Variants in ADGRL3 observed in about 807,000 individuals in gnomAD.
ADGRL3 encodes the protein calcium-independent alpha-latrotoxin receptor 3.
Under a neutral mutation model 153.5 loss-of-function variants are expected in ADGRL3, and 62 were observed. The observed-to-expected ratio is 0.40, with a 90% CI of 0.33 to 0.50. ADGRL3 has a LOEUF of 0.50. ADGRL3 is among the 20% of genes least tolerant of loss of function. ADGRL3 has a pLI of 0.47. For synonymous variants in ADGRL3, 710 were observed against 672.5 expected (o/e 1.06, Z -0.86); for missense variants, 1,641 against 1,859.4 (o/e 0.88, Z 2.16).
chr4:61,541,123 T>C (rs553518102), intron 4 of ADGRL3, among the ~76,000 whole-genome samples: 9 of 152,206 alleles, frequency 5.9e-5, no homozygotes, highest in African/African-American at 1.7e-4. Context: ...TGGAGAGTTA[T>C]AGGAAGTGAA....
chr4:61,950,211 G>T (rs1287548954), intron 17 of ADGRL3, among the ~76,000 whole-genome samples: 1 of 151,924 alleles, frequency 6.6e-6, no homozygotes, highest in Non-Finnish European at 1.5e-5. Flanking sequence ...TAATAAATAA[G>T]ATATGAACAC....
chr4:61,792,139 C>A (rs1219887200), intron 8 of ADGRL3, among the ~76,000 whole-genome samples: 1 of 152,164 alleles, frequency 6.6e-6, no homozygotes, highest in African/African-American at 2.4e-5. Context: ...AGGCTGCAAA[C>A]AAACTTTTAT....
intron 8 of ADGRL3, among the ~76,000 whole-genome samples, chr4:61,778,168 A>T (rs1222206256): frequency 1.3e-5 from 2 of 152,212 alleles, no homozygotes; most frequent in African/African-American, 4.8e-5. Flanking sequence ...GGCTGTGTGT[A>T]TAAGATACTG....
intron 1 of ADGRL3, among the ~76,000 whole-genome samples, chr4:61,376,851 A>G (rs1391581795): frequency 2.6e-5 from 4 of 152,162 alleles, no homozygotes; most frequent in Admixed American, 6.6e-5. Flanking sequence ...CTGTGAGTCA[A>G]TCTTCGGCTA....
At chr4:61,594,462 G>C (rs1213629004) in intron 5 of ADGRL3, among the ~76,000 whole-genome samples, 1 of 152,146 alleles carries the variant, frequency 6.6e-6, no homozygotes, top group East Asian at 1.9e-4. Flanking sequence ...AGGCCTTCCA[G>C]GTATTTGGAG....
intron 2 of ADGRL3, among the ~76,000 whole-genome samples, chr4:61,491,748 A>T (rs1218064225): frequency 6.6e-6 from 1 of 152,080 alleles, no homozygotes. Context: ...CGTCAGTGTT[A>T]TATTATTTTT....
At chr4:61,688,995 C>G (rs1184693504) in intron 6 of ADGRL3, among the ~76,000 whole-genome samples, 2 of 152,170 alleles carry the variant, frequency 1.3e-5, no homozygotes, top group Admixed American at 6.6e-5. Flanking sequence ...GGATCTCACT[C>G]TGTGGCCCAG....
At chr4:61,814,013 G>T in intron 9 of ADGRL3, 124 bp downstream of exon 9, 1 of 1,211,178 alleles carries the variant, frequency 8.3e-7, no homozygotes, top group Non-Finnish European at 1.1e-6. Context: ...AATGAAGTAT[G>T]TGAGTAATCT....
At chr4:61,217,374 G>T (rs1743276004) in intron 1 of ADGRL3, among the ~76,000 whole-genome samples, 2 of 152,150 alleles carry the variant, frequency 1.3e-5, no homozygotes. Context: ...TAGAGAATGT[G>T]CTCTCTTCAC....
chr4:61,679,270 A>G (rs1190503845), intron 6 of ADGRL3, among the ~76,000 whole-genome samples: 2 of 152,020 alleles, frequency 1.3e-5, no homozygotes, highest in African/African-American at 4.8e-5. Context: ...CCTTCAAGCC[A>G]TTTATGAGGG....
chr4:61,514,235 G>A (rs2098479404), intron 3 of ADGRL3, among the ~76,000 whole-genome samples: 1 of 152,162 alleles, frequency 6.6e-6, no homozygotes, highest in Non-Finnish European at 1.5e-5. Context: ...TGTGCCCCAA[G>A]GAGAGAGTGA....
At chr4:61,743,772 C>T (rs2096614161) in intron 8 of ADGRL3, among the ~76,000 whole-genome samples, 4 of 152,212 alleles carry the variant, frequency 2.6e-5, no homozygotes, top group South Asian at 4.1e-4. Flanking sequence ...CTACAGCTCC[C>T]AGCGTGAGTG....
chr4:61,314,500 G>A (rs757833936), intron 1 of ADGRL3, among the ~76,000 whole-genome samples: 3 of 152,128 alleles, frequency 2.0e-5, no homozygotes, highest in Non-Finnish European at 2.9e-5. Context: ...GAGCCACTGC[G>A]CTGGGCCCCC....
chr4:61,564,536 G>A (rs529834995), intron 4 of ADGRL3, among the ~76,000 whole-genome samples: 27 of 152,324 alleles, frequency 1.8e-4, no homozygotes, highest in African/African-American at 6.3e-4. Context: ...GCCTTCCAAA[G>A]TGGTGGAATT....
At chr4:62,006,476 T>G (rs1334746008) in intron 21 of ADGRL3, among the ~76,000 whole-genome samples, 2 of 151,890 alleles carry the variant, frequency 1.3e-5, no homozygotes, top group East Asian at 3.9e-4. Flanking sequence ...TTTGTTTTTG[T>G]TTTTTTGCAA....
chr4:61,740,724 A>G (rs906427889), intron 8 of ADGRL3, among the ~76,000 whole-genome samples: 2 of 152,234 alleles, frequency 1.3e-5, no homozygotes, highest in African/African-American at 4.8e-5. Context: ...CTAAAAATCT[A>G]CTGGTTGAGA....
At chr4:61,405,192 A>C (rs2096978757) in intron 2 of ADGRL3, among the ~76,000 whole-genome samples, 1 of 152,018 alleles carries the variant, frequency 6.6e-6, no homozygotes, top group South Asian at 2.1e-4. Context: ...GAATTCAGAA[A>C]TAATGGCAGA....
chr4:61,733,694 A>T (rs916542532), intron 8 of ADGRL3, 140 bp downstream of exon 8: 10 of 656,472 alleles, frequency 1.5e-5, no homozygotes, highest in Non-Finnish European at 2.3e-5. Context: ...TTTGCATCTA[A>T]AGAAGGTTGC....
At chr4:61,397,654 T>C (rs2096883488) in intron 2 of ADGRL3, among the ~76,000 whole-genome samples, 1 of 151,898 alleles carries the variant, frequency 6.6e-6, no homozygotes, top group African/African-American at 2.4e-5. Context: ...TTCAGTTTTC[T>C]AATTGCTTCA....
Sources: gnomAD v4.1 joint callset for allele counts (sites outside exome capture counted in the v4.1 genomes callset) on GRCh38, gnomAD v4.1.1 for gene constraint, MANE v1.5 for transcripts, NCBI Gene and HGNC (gene_info 2026-07-23, HGNC 2026-07-21) for gene names.